Variants in TMBIM6 observed in about 807,000 individuals in gnomAD.
TMBIM6 encodes the protein bax inhibitor 1.
In TMBIM6, 13 loss-of-function variants were observed where a neutral mutation model predicts 31.4. The observed-to-expected ratio is 0.41, with a 90% CI of 0.27 to 0.66. The LOEUF (loss-of-function observed/expected upper bound fraction) is 0.66, where lower values mean the gene tolerates loss of function less well. TMBIM6 is among the 30% of genes least tolerant of loss of function. The probability of loss-of-function intolerance (pLI) is 0.28; values close to 1 mark genes in which losing one functional copy is unlikely to be tolerated. For missense variants in TMBIM6, 275 were observed against 289.5 expected (o/e 0.95, Z 0.36); for synonymous variants, 85 against 101.7 (o/e 0.84, Z 0.99).
chr12:49,756,975 G>A (rs1945614645), intron 4 of TMBIM6, among the ~76,000 whole-genome samples: 1 of 151,754 alleles, frequency 6.6e-6, no homozygotes, highest in South Asian at 2.1e-4. Context: ...CTCGTGATCC[G>A]CCCACCTCGG....
intron 4 of TMBIM6, among the ~76,000 whole-genome samples, chr12:49,757,246 T>G (rs772264764): frequency 2.6e-5 from 4 of 152,242 alleles, no homozygotes; most frequent in Admixed American, 1.3e-4. Context: ...GTAGCCACTG[T>G]GACTCTACTT....
Position 49,759,260 on chromosome 12 carries a change from G to A in TMBIM6, c.553G>A (p.Val185Ile). The change falls in exon 8 of 10, where the codon GTC becomes ATC. Residue 185 changes from valine (V) to isoleucine (I), a missense_variant. Transcript: ENST00000267115. ...GGGACTGGTGGTCATGTGTGGCTTC[G>A]TCCTTTTTGATACTCAACTCATTAT... ...YVGLVVMCGF[V>I]LFDTQLIIEK... 5 of 1,614,018 alleles carry A rather than the reference G, an allele frequency of 3.1e-6. No individual in the cohort carries two copies. The highest frequency in any genetic ancestry group is 2.2e-5 in the East Asian group (1 of 44,876).
intron 9 of TMBIM6, among the ~76,000 whole-genome samples, chr12:49,762,597 G>A (rs1352524092): frequency 6.6e-6 from 1 of 152,130 alleles, no homozygotes; most frequent in East Asian, 1.9e-4. Context: ...TAGTGGCTGT[G>A]AATAGCCTAG....
intron 8 of TMBIM6, among the ~76,000 whole-genome samples, chr12:49,760,179 A>G (rs537586589): frequency 8.6e-5 from 13 of 151,798 alleles, no homozygotes; most frequent in East Asian, 5.8e-4. Context: ...GCTACCTCCA[A>G]GCAGAAGTGA....
chr12:49,755,974 C>T (rs1212736650), intron 4 of TMBIM6, among the ~76,000 whole-genome samples: 6 of 151,750 alleles, frequency 4.0e-5, no homozygotes, highest in Non-Finnish European at 5.9e-5. Flanking sequence ...GGTGGGACCA[C>T]AGGCACCTGC....
At position 49,762,902 on chromosome 12, in the gene TMBIM6, C is replaced by G. The variant is rs1220465306; in HGVS notation, c.*6C>G. ...AGAAGAAAGAGAAGAAATGAAGTGACCATCCAGCCTTTCCCAATTAGACTT... is the reference window on the plus strand; with the variant it reads ...AGAAGAAAGAGAAGAAATGAAGTGAGCATCCAGCCTTTCCCAATTAGACTT... On this transcript the variant is annotated 3_prime_UTR_variant, in exon 10 of 10. Coordinates refer to ENST00000267115, the MANE Select transcript of TMBIM6 (RefSeq NM_003217.3). 3 of 1,612,272 alleles carry G rather than the reference C, an allele frequency of 1.9e-6. No homozygotes were observed. In the African/African-American group the frequency reaches 4.0e-5, roughly 22 times the overall value.
intron 4 of TMBIM6, among the ~76,000 whole-genome samples, 181 bp downstream of exon 4, chr12:49,755,936 C>T (rs1024439094): frequency 9.3e-5 from 14 of 150,758 alleles, no homozygotes; most frequent in Non-Finnish European, 1.9e-4. Context: ...CAGGTTCACA[C>T]CATTCTTCTG....
At position 49,758,774 on chromosome 12, in the gene TMBIM6, C is replaced by T; in HGVS notation, c.513+12C>T. The T allele has an allele frequency of 1.9e-6, 3 of 1,610,700 alleles. No individual in the cohort carries two copies. Among genetic ancestry groups the T allele is most frequent in the Non-Finnish European group, 2.5e-6 (3 of 1,178,420 alleles). The stretch of plus-strand genomic sequence containing the variant: ...TTTGGCTTTTCCAGGTAAGACTTAG[C>T]CTGGAACTTTCCAGCAGCCATTTGC... On this transcript the variant is annotated intron_variant, in intron 7 of 9. Coordinates refer to ENST00000267115, the MANE Select transcript of TMBIM6 (RefSeq NM_003217.3).
At position 49,761,696 on chromosome 12, in the gene TMBIM6, C is replaced by T. The variant is rs370044424; in HGVS notation, c.615-8C>T. On this transcript the variant is annotated splice_polypyrimidine_tract_variant and splice_region_variant and intron_variant, in intron 8 of 9. Coordinates refer to ENST00000267115, the MANE Select transcript of TMBIM6 (RefSeq NM_003217.3). ...AGTACAGATCCTAATCTGGTTCTTG[C>T]CTTTCAGGCACTGCATTGATCTCTT... 12 of 1,613,646 alleles carry T rather than the reference C, an allele frequency of 7.4e-6. No individual in the cohort carries two copies. In the African/African-American group the frequency reaches 1.6e-4, roughly 22 times the overall value.
chr12:49,753,671 T>C (rs1157137263), intron 3 of TMBIM6, among the ~76,000 whole-genome samples: 1 of 152,200 alleles, frequency 6.6e-6, no homozygotes, highest in East Asian at 1.9e-4. Flanking sequence ...TTAGCATAAA[T>C]GTAGAGGTGG....
chr12:49,748,475 C>T (rs1330139377), intron 1 of TMBIM6, among the ~76,000 whole-genome samples: 1 of 152,136 alleles, frequency 6.6e-6, no homozygotes, highest in African/African-American at 2.4e-5. Flanking sequence ...AAGCTCTTAG[C>T]TTTTTGTTTT....
At chr12:49,745,633 GATA>G (rs1945376267) in intron 1 of TMBIM6, among the ~76,000 whole-genome samples, 1 of 151,524 alleles carries the variant, frequency 6.6e-6, no homozygotes, top group South Asian at 2.1e-4. Context: ...GCTGAGGCAT[GATA>G]ATCACTTGAA....
At chr12:49,760,659 C>T (rs1290318783) in intron 8 of TMBIM6, among the ~76,000 whole-genome samples, 2 of 151,134 alleles carry the variant, frequency 1.3e-5, no homozygotes, top group East Asian at 2.0e-4. Flanking sequence ...GCCTCAGCCT[C>T]CCTAGTAGCT....
At position 49,764,740 on chromosome 12, in the gene TMBIM6, A is replaced by AC. The variant is rs1246625097; in HGVS notation, c.*1845dup. On this transcript the variant is annotated 3_prime_UTR_variant, in exon 10 of 10. Coordinates refer to ENST00000267115, the MANE Select transcript of TMBIM6 (RefSeq NM_003217.3). Reference sequence around the variant, plus strand: ...AAAAAAAAGAAAGAAAAAAAAAAAAACACCTACTTTTAAAGAAAATACCTA... The same window carrying AC: ...AAAAAAAAGAAAGAAAAAAAAAAAAACCACCTACTTTTAAAGAAAATACCTA... The AC allele has an allele frequency of 1.6e-4, 24 of 151,446 alleles. No individual in the cohort carries two copies. In the South Asian group the frequency reaches 5.0e-3, roughly 32 times the overall value. 9.4% of individuals were successfully genotyped at this position (151,446 alleles called of 1,614,324 possible).
At chr12:49,742,042 G>T (rs1389527719) in intron 1 of TMBIM6, 1 of 1,518,798 alleles carries the variant, frequency 6.6e-7, no homozygotes. Flanking sequence ...CCACCCATCC[G>T]ATTGCTGTTC....
intron 9 of TMBIM6, 26 bp from the exon 10 acceptor site, chr12:49,762,847 A>G: frequency 6.2e-7 from 1 of 1,610,920 alleles, no homozygotes; most frequent in Non-Finnish European, 8.5e-7. Flanking sequence ...CAAAAAATTA[A>G]TTGGGTGATT....
At chr12:49,743,556 A>G (rs970647077) in intron 1 of TMBIM6, 15 of 152,182 alleles carry the variant, frequency 9.9e-5, no homozygotes, top group African/African-American at 3.6e-4. Context: ...CTCCTGAAGA[A>G]TAAGAAAAGG....
At chr12:49,747,440 T>G (rs1945416296) in intron 1 of TMBIM6, among the ~76,000 whole-genome samples, 1 of 151,640 alleles carries the variant, frequency 6.6e-6, no homozygotes, top group Non-Finnish European at 1.5e-5. Flanking sequence ...TCCCAAGTAG[T>G]TGGGACAACA....
chr12:49,747,935 G>T (rs1021598462), intron 1 of TMBIM6, among the ~76,000 whole-genome samples: 1 of 152,002 alleles, frequency 6.6e-6, no homozygotes, highest in Non-Finnish European at 1.5e-5. Flanking sequence ...ACGTAGTCTC[G>T]CACTGTCACC....
Sources: gnomAD v4.1 joint callset for allele counts (sites outside exome capture counted in the v4.1 genomes callset) on GRCh38, gnomAD v4.1.1 for gene constraint, MANE v1.5 for transcripts, NCBI Gene and HGNC (gene_info 2026-07-23, HGNC 2026-07-21) for gene names.